Variants in RPS9 observed in about 807,000 individuals in gnomAD.
RPS9 encodes the protein ribosomal protein S9.
RPS9 carries 1 observed loss-of-function variant against 16.9 expected under a neutral mutation model. The observed-to-expected ratio is 0.06, with a 90% CI of 0.02 to 0.28. RPS9 has a LOEUF of 0.28. Ranked by LOEUF, RPS9 falls within the 10% of genes least tolerant of loss-of-function variation. The pLI, the probability that RPS9 is intolerant of heterozygous loss-of-function variation, is 1.00. For synonymous variants in RPS9, 106 were observed against 110.9 expected, an observed-to-expected ratio of 0.96 and a Z score of 0.28; for missense variants, 137 against 273.2, an observed-to-expected ratio of 0.50 and a Z score of 3.51.
intron 3 of RPS9, among the ~76,000 whole-genome samples, chr19:54,204,946 C>T (rs1308288164): frequency 6.6e-6 from 1 of 152,146 alleles, no homozygotes; most frequent in Non-Finnish European, 1.5e-5. Context: ...TTCTCCCTAC[C>T]TGTAACTGCT....
intron 3 of RPS9, chr19:54,203,296 A>G: frequency 1.0e-6 from 1 of 985,360 alleles, no homozygotes; most frequent in Non-Finnish European, 1.2e-6. Context: ...TTTCTAGTAA[A>G]TGAAGCCATC....
Position 54,206,306 on chromosome 19 carries a change from T to C in RPS9, c.251T>C (p.Ile84Thr), listed in dbSNP as rs2077239528. The C allele has an allele frequency of 1.9e-6, 3 of 1,614,044 alleles. No individual in the cohort carries two copies. Among genetic ancestry groups the C allele is most frequent in the East Asian group, 2.2e-5 (1 of 44,880 alleles). Residue 84 changes from isoleucine to threonine, a missense_variant, in exon 4 of 5, where the codon ATT (isoleucine) becomes ACT (threonine). Transcript: ENST00000302907. Reference protein sequence around the residue: ...GNALLRRLVRIGVLDEGKMKL... With the variant: ...GNALLRRLVRTGVLDEGKMKL... ...GCCCTGCTGCGGCGGCTGGTCCGCATTGGGGTGCTGGATGAGGGCAAGATG... is the reference window on the plus strand; with the variant it reads ...GCCCTGCTGCGGCGGCTGGTCCGCACTGGGGTGCTGGATGAGGGCAAGATG...
chr19:54,206,509 G>A (rs377555980), intron 4 of RPS9, 47 bp downstream of exon 4: 2 of 1,609,104 alleles, frequency 1.2e-6, no homozygotes, highest in Non-Finnish European at 1.7e-6. Flanking sequence ...CTGCCCCTCT[G>A]ATGGTTGCCC....
At position 54,206,458 on chromosome 19, in the gene RPS9, A is replaced by G. The variant is rs1224877696; in HGVS notation, c.403A>G (p.Ile135Val). ...TCGCGTGCTGATCCGCCAGCGCCAT[A>G]TCAGGTACCACCTCGGATGGGCACC... The part of the protein sequence containing the change: ...HARVLIRQRH[I>V]RVRKQVVNIP... The change falls in exon 4 of 5, where the codon ATC becomes GTC. Residue 135 changes from isoleucine (I) to valine (V), a missense_variant. Ile to Val is a conservative substitution (Grantham distance 29). This residue lies in a region of RPS9 where 54 missense variants were observed against 90.9 expected (regional missense o/e 0.59). Transcript: ENST00000302907. The G allele has an allele frequency of 6.2e-7, 1 of 1,614,228 alleles. No individual in the cohort carries two copies. Among genetic ancestry groups the G allele is most frequent in the Non-Finnish European group, 8.5e-7 (1 of 1,180,042 alleles).
At chr19:54,205,230 C>G (rs1309553007) in intron 3 of RPS9, among the ~76,000 whole-genome samples, 2 of 151,914 alleles carry the variant, frequency 1.3e-5, no homozygotes, top group African/African-American at 4.8e-5. Flanking sequence ...TAGGGGATGG[C>G]GTTTGCCCCC....
Position 54,201,414 on chromosome 19 carries a change from AT to A in RPS9, c.98-71del, listed in dbSNP as rs1326922436. The A allele has an allele frequency of 1.9e-6, 3 of 1,608,470 alleles. No homozygotes were observed. The African/African-American group carries it at 4.0e-5, about 22-fold the overall frequency. On this transcript the variant is annotated intron_variant, in intron 2 of 4. Coordinates refer to ENST00000302907, the MANE Select transcript of RPS9 (RefSeq NM_001013.4). ...ATTCGTGGTTTAGGAAGGTTTTGTG[AT>A]TCCAAAGCTGCCAGTCTAGTTGTTG...
chr19:54,201,396 G>T (rs2077045917), intron 2 of RPS9, 91 bp from the exon 3 acceptor site: 3 of 1,606,846 alleles, frequency 1.9e-6, no homozygotes, highest in Non-Finnish European at 8.5e-7. Flanking sequence ...ACTATTCGTG[G>T]TTTAGGAAGG....
chr19:54,206,621 G>A, intron 4 of RPS9, 159 bp downstream of exon 4: 2 of 1,551,178 alleles, frequency 1.3e-6, no homozygotes, highest in Non-Finnish European at 1.7e-6. Flanking sequence ...GCTCACCAGG[G>A]AGCTGGGGCA....
chr19:54,207,270 T>G (rs1600774262), intron 4 of RPS9, 128 bp from the exon 5 acceptor site: 1 of 739,124 alleles, frequency 1.4e-6, no homozygotes, highest in Non-Finnish European at 2.2e-6. Flanking sequence ...GGTGCACCCT[T>G]CCTGCAGCGC....
At chr19:54,202,825 A>G in intron 3 of RPS9, 5 of 985,430 alleles carry the variant, frequency 5.1e-6, no homozygotes, top group Non-Finnish European at 6.0e-6. Flanking sequence ...ATGTTTAGCT[A>G]CAGATTATCA....
At chr19:54,205,487 ATTAC>A (rs1195902832) in intron 3 of RPS9, among the ~76,000 whole-genome samples, 1 of 151,962 alleles carries the variant, frequency 6.6e-6, no homozygotes, top group Non-Finnish European at 1.5e-5. Context: ...AGTGTTAGAA[ATTAC>A]TTTTCTCTCC....
chr19:54,206,748 T>C, intron 4 of RPS9: 1 of 1,458,320 alleles, frequency 6.9e-7, no homozygotes, highest in Non-Finnish European at 9.0e-7. Context: ...GTGTCCCCAG[T>C]GGAGGGAGAG....
At chr19:54,205,600 C>T (rs900143274) in intron 3 of RPS9, among the ~76,000 whole-genome samples, 5 of 152,106 alleles carry the variant, frequency 3.3e-5, no homozygotes, top group African/African-American at 1.2e-4. Context: ...ATGAACTCTT[C>T]AGCACTGTGC....
intron 4 of RPS9, 110 bp downstream of exon 4, chr19:54,206,572 T>G: frequency 6.4e-7 from 1 of 1,558,078 alleles, no homozygotes; most frequent in Non-Finnish European, 8.7e-7. Context: ...GTGATGGGTG[T>G]GAACTCACCC....
chr19:54,207,301 C>T (rs747554631), intron 4 of RPS9, 97 bp from the exon 5 acceptor site: 199 of 1,049,138 alleles, frequency 1.9e-4, no homozygotes, highest in East Asian at 8.9e-4. Flanking sequence ...GCAGCCGTGG[C>T]GGCCTCACGG....
At chr19:54,201,319 C>T (rs895338950) in intron 2 of RPS9, 38 bp downstream of exon 2, 12 of 1,613,558 alleles carry the variant, frequency 7.4e-6, no homozygotes, top group South Asian at 2.2e-5. Flanking sequence ...GTTCGGCTTC[C>T]GGGAGGCGGT....
In RPS9 at chr19:54,201,204, GGGT is replaced by G; in HGVS notation, c.21_23del (p.Trp7_Val8delinsCys). On this transcript the variant is annotated inframe_deletion, in exon 2 of 5. Transcript: ENST00000302907. Reference sequence around the variant, plus strand: ...GCCAACATGCCAGTGGCCCGGAGCTGGGTTTGTCGCAAAACTTATGTGACCCCG... The same window carrying G: ...GCCAACATGCCAGTGGCCCGGAGCTGTTGTCGCAAAACTTATGTGACCCCG... The G allele has an allele frequency of 6.2e-7, 1 of 1,609,668 alleles. No individual in the cohort carries two copies. Among genetic ancestry groups the G allele is most frequent in the Non-Finnish European group, 8.5e-7 (1 of 1,176,650 alleles).
In RPS9 at chr19:54,207,380, C is replaced by T; in HGVS notation, c.408-18C>T. 1 of 1,597,856 alleles carries T rather than the reference C, an allele frequency of 6.3e-7. No homozygotes were observed. The highest frequency in any genetic ancestry group is 8.6e-7 in the Non-Finnish European group (1 of 1,169,092). On this transcript the variant is annotated intron_variant, in intron 4 of 4. Transcript: ENST00000302907. ...TCCGTTTCTCCTCCAGTCCACCTCA[C>T]CTTGTCGCTGCTTCCAGGGTCCGCA...
chr19:54,205,717 G>A (rs1175186123), intron 3 of RPS9, among the ~76,000 whole-genome samples: 2 of 152,126 alleles, frequency 1.3e-5, no homozygotes, highest in Non-Finnish European at 2.9e-5. Context: ...GTGGAGCGAG[G>A]GATGTATGCT....
Sources: allele counts gnomAD v4.1 joint callset (sites outside exome capture counted in the v4.1 genomes callset), GRCh38; gene constraint gnomAD v4.1.1; regional missense constraint gnomAD v4.1.1; transcripts MANE v1.5; gene names NCBI Gene and HGNC (gene_info 2026-07-23, HGNC 2026-07-21).